CLNK: variants seen among roughly 807,000 people sequenced by gnomAD.
The protein encoded by CLNK is cytokine-dependent hematopoietic cell linker.
In CLNK, 74 loss-of-function variants were observed where a neutral mutation model predicts 68.6. The observed-to-expected ratio is 1.08, with a 90% confidence interval of 0.89 to 1.31. CLNK has a LOEUF of 1.31. CLNK is among the 50% of genes most tolerant of loss of function. The pLI is 0.00. For missense variants in CLNK, 553 were observed against 515.3 expected, an observed-to-expected ratio of 1.07 and a Z score of -0.71; for synonymous variants, 198 against 172.2, an observed-to-expected ratio of 1.15 and a Z score of -1.17.
At chr4:10,572,419 G>A (rs1163534219) in intron 4 of CLNK, among the ~76,000 whole-genome samples, 1 of 152,152 alleles carries the variant, frequency 6.6e-6, no homozygotes, top group Non-Finnish European at 1.5e-5. Context: ...TGGGGTCATT[G>A]AGCCCACTCA....
intron 2 of CLNK, among the ~76,000 whole-genome samples, chr4:10,617,706 A>G (rs1577171436): frequency 6.6e-6 from 1 of 152,174 alleles, no homozygotes; most frequent in African/African-American, 2.4e-5. Context: ...ATTTTGTTTT[A>G]TTTGTACCAT....
At position 10,490,320 on chromosome 4, in the gene CLNK, G is replaced by T. The variant is rs779220495; in HGVS notation, c.*147C>A. 1.7e-4 allele frequency: 114 copies of T among 652,804 alleles called. No homozygotes were observed. The highest frequency in any genetic ancestry group is 3.6e-4 in the Admixed American group (9 of 24,988). 40.4% of individuals were successfully genotyped at this position (652,804 alleles called of 1,614,324 possible). On this transcript the variant is annotated 3_prime_UTR_variant, in exon 19 of 19. Transcript: ENST00000226951. ...GGTTTGAACTTTCAAAACCGTGAGT[G>T]ATTTTCCACTCTCTGTTATAGAGTG...
chr4:10,547,718 C>T (rs984367120), intron 8 of CLNK, among the ~76,000 whole-genome samples: 1 of 152,092 alleles, frequency 6.6e-6, no homozygotes, highest in South Asian at 2.1e-4. Flanking sequence ...TGTTAGGTTC[C>T]ACAAGTAAGT....
chr4:10,583,297 A>G (rs1720851135), intron 4 of CLNK, among the ~76,000 whole-genome samples: 1 of 150,992 alleles, frequency 6.6e-6, no homozygotes, highest in Non-Finnish European at 1.5e-5. Context: ...TTCTTTTTTG[A>G]GACGGAGTCT....
intron 16 of CLNK, among the ~76,000 whole-genome samples, chr4:10,510,744 A>C (rs1021361373): frequency 5.3e-5 from 8 of 152,220 alleles, no homozygotes; most frequent in Admixed American, 3.3e-4. Flanking sequence ...CTTCACCGAT[A>C]ATAAGCCCTC....
At chr4:10,648,505 T>G (rs908087039) in intron 2 of CLNK, among the ~76,000 whole-genome samples, 4 of 152,210 alleles carry the variant, frequency 2.6e-5, no homozygotes, top group Non-Finnish European at 4.4e-5. Context: ...TCTCACATAA[T>G]CTCTTGTCAC....
intron 7 of CLNK, among the ~76,000 whole-genome samples, chr4:10,562,315 TTGAG>T (rs1206297682): frequency 6.6e-6 from 1 of 151,926 alleles, no homozygotes; most frequent in Non-Finnish European, 1.5e-5. Flanking sequence ...CTCAGAGAGG[TTGAG>T]TAACAGACCC....
chr4:10,600,935 T>C (rs1290911595), intron 2 of CLNK, among the ~76,000 whole-genome samples: 1 of 152,238 alleles, frequency 6.6e-6, no homozygotes, highest in Non-Finnish European at 1.5e-5. Context: ...TGAGAGTTTC[T>C]TAACTTCTTC....
rs184151350 is a variant in CLNK, at chr4:10,648,878, G to A, written c.11+18981C>T. The stretch of plus-strand genomic sequence containing the variant: ...CATTTCCCTGACAATGAGAGGGTCA[G>A]TGCTCATTCCACTCTTTCATCTCTC... On this transcript the variant is annotated intron_variant, in intron 2 of 18. Transcript: ENST00000226951. Among the ~76,000 whole-genome samples, 9 of 152,306 alleles carry A rather than the reference G, an allele frequency of 5.9e-5. No homozygotes were observed. The East Asian group carries it at 1.7e-3, about 29-fold the overall frequency.
intron 4 of CLNK, among the ~76,000 whole-genome samples, chr4:10,579,089 A>G (rs1720686998): frequency 6.6e-6 from 1 of 152,142 alleles, no homozygotes; most frequent in Non-Finnish European, 1.5e-5. Context: ...TCTTTCCTCT[A>G]TACTGTGCTG....
At chr4:10,521,996 C>T (rs1253215906) in intron 14 of CLNK, among the ~76,000 whole-genome samples, 3 of 152,088 alleles carry the variant, frequency 2.0e-5, no homozygotes, top group South Asian at 2.1e-4. Flanking sequence ...TGTTGGCTCA[C>T]GCGTGTAATC....
rs1164424639 is a variant in CLNK, at chr4:10,508,481, C to T, written c.907-445G>A. Among the ~76,000 whole-genome samples, 10 of 152,276 alleles carry T rather than the reference C, an allele frequency of 6.6e-5. No homozygotes were observed. In the South Asian group the frequency reaches 1.5e-3, roughly 22 times the overall value. Reference sequence around the variant, plus strand: ...GCCACTTCCCCAGAGGCACAGATGCCGCTGAGCTATGATTCGGATCCTAGT... The same window carrying T: ...GCCACTTCCCCAGAGGCACAGATGCTGCTGAGCTATGATTCGGATCCTAGT... On this transcript the variant is annotated intron_variant, in intron 16 of 18. Transcript: ENST00000226951.
rs762843460 is a variant in CLNK, at chr4:10,490,524, C to T, written c.1230G>A (p.Arg410=). The T allele has an allele frequency of 6.2e-7, 1 of 1,611,330 alleles. No homozygotes were observed. Among genetic ancestry groups the T allele is most frequent in the Non-Finnish European group, 8.5e-7 (1 of 1,178,804 alleles). ...GTGGCTGAGTGAGGTGACACTGTTT[C>T]CTGTGGACCCCAGTTTTATCTTTCC... ...IDGKDKTGVH[R]KQCHLTQPLP... is the part of the protein sequence containing the mutation. The change falls in exon 19 of 19, where the codon AGG becomes AGA. Residue 410 remains arginine, a synonymous_variant. Transcript: ENST00000226951.
chr4:10,672,423 C>T (rs964904304), intron 1 of CLNK, among the ~76,000 whole-genome samples: 1 of 152,080 alleles, frequency 6.6e-6, no homozygotes, highest in African/African-American at 2.4e-5. Flanking sequence ...CAACAGCTAC[C>T]CTTAGGACTC....
the CLNK span, among the ~76,000 whole-genome samples, chr4:10,709,971 G>A: frequency 6.6e-6 from 1 of 152,104 alleles, no homozygotes; most frequent in African/African-American, 2.4e-5. Context: ...AACTCCCCAA[G>A]CAACCCTCAG....
intron 2 of CLNK, among the ~76,000 whole-genome samples, chr4:10,644,586 C>T (rs1366671949): frequency 6.6e-6 from 1 of 152,134 alleles, no homozygotes; most frequent in Non-Finnish European, 1.5e-5. Context: ...GGCAGAAGAA[C>T]AGGGTGAGAC....
chr4:10,709,016 A>T, the CLNK span, among the ~76,000 whole-genome samples: 1 of 152,356 alleles, frequency 6.6e-6, no homozygotes, highest in Admixed American at 6.5e-5. Context: ...CCTACCAAAC[A>T]GCATTAAAAT....
At chr4:10,677,211 C>A (rs372402898) in intron 1 of CLNK, among the ~76,000 whole-genome samples, 4 of 152,076 alleles carry the variant, frequency 2.6e-5, no homozygotes, top group Non-Finnish European at 5.9e-5. Context: ...GTTGGCCCTG[C>A]GGTGAAGATA....
Position 10,664,882 on chromosome 4 carries a change from C to A in CLNK, c.11+2977G>T, listed in dbSNP as rs76336069. ...TATGCATTTCTCTTTAATGTGTAAG[C>A]GTACTGATGGAGGCGTTCTAATTTT... On this transcript the variant is annotated intron_variant, in intron 2 of 18. Coordinates refer to ENST00000226951, the MANE Select transcript of CLNK (RefSeq NM_052964.4). Among the ~76,000 whole-genome samples, 12 of 152,264 alleles carry A rather than the reference C, an allele frequency of 7.9e-5. No homozygotes were observed. In the East Asian group the frequency reaches 2.3e-3, roughly 29 times the overall value.
Sources: allele counts gnomAD v4.1 joint callset (sites outside exome capture counted in the v4.1 genomes callset), GRCh38; gene constraint gnomAD v4.1.1; transcripts MANE v1.5; gene names NCBI Gene and HGNC (gene_info 2026-07-23, HGNC 2026-07-21).